GADL1: variants seen among roughly 807,000 people sequenced by gnomAD.
The protein encoded by GADL1 is GAD like acidic amino acid decarboxylase 1, also known as acidic amino acid decarboxylase GADL1.
GADL1 carries 71 observed loss-of-function variants against 69.5 expected under a neutral mutation model. The observed-to-expected ratio is 1.02, with a 90% CI of 0.84 to 1.25. The LOEUF is 1.25. Among genes scored for constraint, GADL1 ranks in the 50% most tolerant of loss-of-function variants. GADL1 has a pLI of 0.00. For missense variants in GADL1, 737 were observed against 631.8 expected, an observed-to-expected ratio of 1.17 and a Z score of -1.79; for synonymous variants, 254 against 214.4, an observed-to-expected ratio of 1.18 and a Z score of -1.62.
intron 14 of GADL1, among the ~76,000 whole-genome samples, chr3:30,771,652 AAAG>A (rs1471522093): frequency 4.6e-5 from 7 of 152,234 alleles, no homozygotes; most frequent in East Asian, 3.9e-4. Flanking sequence ...AAGGTTTAAA[AAAG>A]AACCTCATCT....
At chr3:30,808,815 T>A (rs1242605493) in intron 11 of GADL1, among the ~76,000 whole-genome samples, 1 of 152,218 alleles carries the variant, frequency 6.6e-6, no homozygotes, top group African/African-American at 2.4e-5. Flanking sequence ...ATTCCCTCTT[T>A]CTGGCTTTCA....
chr3:30,875,504 C>A (rs2125542785), intron 1 of GADL1, among the ~76,000 whole-genome samples: 1 of 151,912 alleles, frequency 6.6e-6, no homozygotes, highest in East Asian at 2.0e-4. Context: ...GGTCCAGAGA[C>A]CCCTAAACTA....
intron 12 of GADL1, among the ~76,000 whole-genome samples, chr3:30,792,859 C>G (rs976318912): frequency 6.6e-6 from 1 of 152,062 alleles, no homozygotes; most frequent in African/African-American, 2.4e-5. Context: ...GAGCCACATA[C>G]CCTCCCCTAA....
At chr3:30,797,663 TG>T (rs1697068538) in intron 12 of GADL1, 1 of 113,634 alleles carries the variant, frequency 8.8e-6, no homozygotes, top group South Asian at 4.2e-4. Flanking sequence ...TGTTTTGTTT[TG>T]TTTTTGTTTT....
At position 30,881,231 on chromosome 3, in the gene GADL1, TAC is replaced by T. The variant is rs376289442; in HGVS notation, c.37+13345_37+13346del. On this transcript the variant is annotated intron_variant, in intron 1 of 14. Transcript: ENST00000282538. ...TTACATAAAAATATTTTCATTTACA[TAC>T]ACTTTGTATGCAAGCTTCCTATCTG... is the stretch of plus-strand genomic sequence containing the variant. Among the ~76,000 whole-genome samples the T allele has an allele frequency of 1.0e-3, 158 of 152,108 alleles. 1 individual carries two copies. Among genetic ancestry groups the T allele is most frequent in the African/African-American group, 3.6e-3 (150 of 41,534 alleles).
At chr3:30,759,968 A>G (rs537825332) in intron 14 of GADL1, among the ~76,000 whole-genome samples, 1 of 152,348 alleles carries the variant, frequency 6.6e-6, no homozygotes, top group South Asian at 2.1e-4. Context: ...TCACGGAGCC[A>G]CAGCCACTGC....
intron 11 of GADL1, among the ~76,000 whole-genome samples, chr3:30,831,209 T>C (rs1042514549): frequency 6.6e-6 from 1 of 152,014 alleles, no homozygotes; most frequent in Non-Finnish European, 1.5e-5. Flanking sequence ...TCTAAGACCC[T>C]TCATGATCTA....
intron 14 of GADL1, among the ~76,000 whole-genome samples, chr3:30,764,452 C>G (rs1003076858): frequency 6.6e-6 from 1 of 152,130 alleles, no homozygotes; most frequent in Non-Finnish European, 1.5e-5. Context: ...TCAAACTGAG[C>G]TTTTTTTCCT....
At chr3:30,864,678 T>C (rs1291028228) in intron 1 of GADL1, among the ~76,000 whole-genome samples, 2 of 152,016 alleles carry the variant, frequency 1.3e-5, no homozygotes, top group Non-Finnish European at 2.9e-5. Context: ...TAGGTCAAGC[T>C]GTGGTCTCCT....
intron 1 of GADL1, among the ~76,000 whole-genome samples, chr3:30,881,403 C>A (rs6792108): frequency 6.6e-6 from 1 of 151,778 alleles, no homozygotes; most frequent in Non-Finnish European, 1.5e-5. Context: ...GTAATTCCAA[C>A]CTTTTTTGGG....
At chr3:30,757,841 A>G (rs1032702017) in intron 14 of GADL1, among the ~76,000 whole-genome samples, 9 of 152,302 alleles carry the variant, frequency 5.9e-5, no homozygotes, top group East Asian at 3.9e-4. Flanking sequence ...CACTAATAGC[A>G]AAGCTGCTCA....
rs145224145 is a variant in GADL1, at chr3:30,778,202, C to T, written c.1369G>A (p.Glu457Lys). 2.2e-5 allele frequency: 35 copies of T among 1,609,958 alleles called. No individual in the cohort carries two copies. The highest frequency in any genetic ancestry group is 4.0e-5 in the African/African-American group (3 of 74,900). Residue 457 changes from glutamate to lysine, a missense_variant, in exon 14 of 15, where the codon GAG (glutamate) becomes AAG (lysine). By Grantham distance (56) the Glu-to-Lys change is moderately conservative. Coordinates refer to ENST00000282538, the MANE Select transcript of GADL1 (RefSeq NM_207359.3). The stretch of plus-strand genomic sequence containing the variant: ...ACCAAATTAAGTTTTGCCCAGAACT[C>T]GGGTCCTTCTTCCATCTCTCTGAGG... ...PSLREMEEGP[E>K]FWAKLNLVAP...
chr3:30,838,319 C>A (rs376302986), intron 9 of GADL1, among the ~76,000 whole-genome samples: 1 of 152,004 alleles, frequency 6.6e-6, no homozygotes, highest in South Asian at 2.1e-4. Context: ...CATTCTAACC[C>A]GGGATAAGTA....
intron 1 of GADL1, among the ~76,000 whole-genome samples, chr3:30,880,062 A>G (rs943743749): frequency 6.6e-6 from 1 of 151,950 alleles, no homozygotes; most frequent in African/African-American, 2.4e-5. Context: ...GAAGAAAAGC[A>G]CAGTAATTTT....
In GADL1 at chr3:30,844,459, T is replaced by A. The variant is rs746639627; in HGVS notation, c.659A>T (p.Tyr220Phe). 6.2e-7 allele frequency: 1 copy of A among 1,607,228 alleles called. No homozygotes were observed. The highest frequency in any genetic ancestry group is 8.5e-7 in the Non-Finnish European group (1 of 1,173,992). Residue 220 changes from tyrosine to phenylalanine, a missense_variant, in exon 7 of 15, where the codon TAC (tyrosine) becomes TTC (phenylalanine). Physicochemically the swap from Tyr to Phe is conservative, Grantham distance 22. Coordinates refer to ENST00000282538, the MANE Select transcript of GADL1 (RefSeq NM_207359.3). ...LILFTSAECH[Y>F]SMKKAASFLG... Reference sequence around the variant, plus strand: ...AAAAGAGGCTGCCTTCTTCATAGAGTAATGACACTGAATTCAAAGGGACAG... The same window carrying A: ...AAAAGAGGCTGCCTTCTTCATAGAGAAATGACACTGAATTCAAAGGGACAG...
At chr3:30,806,545 T>G (rs1220093855) in intron 11 of GADL1, among the ~76,000 whole-genome samples, 3 of 152,088 alleles carry the variant, frequency 2.0e-5, no homozygotes, top group African/African-American at 7.2e-5. Context: ...GCACTGGAGA[T>G]GTAATGGTAA....
At chr3:30,772,213 AAGG>A (rs1438302386) in intron 14 of GADL1, among the ~76,000 whole-genome samples, 2 of 152,228 alleles carry the variant, frequency 1.3e-5, no homozygotes, top group African/African-American at 2.4e-5. Flanking sequence ...ATTAAGGAGA[AAGG>A]AGCCTGTTAT....
At chr3:30,775,321 G>A (rs994566331) in intron 14 of GADL1, among the ~76,000 whole-genome samples, 6 of 152,190 alleles carry the variant, frequency 3.9e-5, no homozygotes, top group Non-Finnish European at 8.8e-5. Flanking sequence ...GAGGGGCAAA[G>A]CCTTATTTGA....
At chr3:30,830,843 C>G (rs1289908587) in intron 11 of GADL1, among the ~76,000 whole-genome samples, 2 of 151,904 alleles carry the variant, frequency 1.3e-5, no homozygotes, top group Admixed American at 6.6e-5. Flanking sequence ...GTGTTTCACT[C>G]TCAACTCTTT....
Sources: gnomAD v4.1 joint callset for allele counts (sites outside exome capture counted in the v4.1 genomes callset) on GRCh38, gnomAD v4.1.1 for gene constraint, MANE v1.5 for transcripts, NCBI Gene and HGNC (gene_info 2026-07-23, HGNC 2026-07-21) for gene names.